The following MCC variants were observed in gnomAD, a reference collection of about 807,000 sequenced individuals.
MCC encodes the protein MCC regulator of Wnt signaling pathway, also known as colorectal mutant cancer protein.
Under a neutral mutation model 116.2 loss-of-function variants are expected in MCC, and 90 were observed. The observed-to-expected ratio is 0.77, with a 90% CI of 0.65 to 0.92. The LOEUF is 0.92. Among genes scored for constraint, MCC ranks in the 40% least tolerant of loss-of-function variants. MCC has a pLI of 0.00. For missense variants in MCC, 1,516 were observed against 1,312.2 expected, an observed-to-expected ratio of 1.16 and a Z score of -2.40; for synonymous variants, 578 against 510.5, an observed-to-expected ratio of 1.13 and a Z score of -1.78.
At chr5:113,116,508 T>C (rs2150265757) in intron 6 of MCC, among the ~76,000 whole-genome samples, 1 of 152,326 alleles carries the variant, frequency 6.6e-6, no homozygotes, top group Non-Finnish European at 1.5e-5. Flanking sequence ...AAATAAAGAC[T>C]GTTTATGCTA....
At chr5:113,261,605 G>GA (rs961187483) in intron 3 of MCC, among the ~76,000 whole-genome samples, 7 of 152,144 alleles carry the variant, frequency 4.6e-5, no homozygotes, top group African/African-American at 1.4e-4. Flanking sequence ...ACAGTTATGG[G>GA]AAAAACTGAC....
intron 2 of MCC, among the ~76,000 whole-genome samples, chr5:113,345,493 T>C (rs1581415509): frequency 6.6e-6 from 1 of 152,338 alleles, no homozygotes; most frequent in East Asian, 1.9e-4. Flanking sequence ...TCCGACTCAG[T>C]GTAGTCCTAG....
At chr5:113,161,340 G>A (rs1027477690) in intron 3 of MCC, among the ~76,000 whole-genome samples, 1 of 152,152 alleles carries the variant, frequency 6.6e-6, no homozygotes, top group Non-Finnish European at 1.5e-5. Flanking sequence ...TCCCCAGGCG[G>A]AAACTCCCAC....
At chr5:113,172,439 C>T (rs1460536149) in intron 3 of MCC, among the ~76,000 whole-genome samples, 1 of 151,842 alleles carries the variant, frequency 6.6e-6, no homozygotes, top group Admixed American at 6.6e-5. Flanking sequence ...TTGCTATTTC[C>T]TATAGCTTTA....
At chr5:113,462,999 A>AGAT (rs1771787920) in intron 1 of MCC, among the ~76,000 whole-genome samples, 1 of 152,214 alleles carries the variant, frequency 6.6e-6, no homozygotes, top group Non-Finnish European at 1.5e-5. Flanking sequence ...AAAAGAAAGA[A>AGAT]GATAATAATA....
At chr5:113,224,688 A>G (rs990240617) in intron 3 of MCC, among the ~76,000 whole-genome samples, 2 of 152,192 alleles carry the variant, frequency 1.3e-5, no homozygotes, top group African/African-American at 4.8e-5. Context: ...AATAGAGGAA[A>G]AACCTCAACT....
chr5:113,054,069 G>C, intron 14 of MCC, 110 bp from the exon 15 acceptor site: 2 of 752,728 alleles, frequency 2.7e-6, no homozygotes, highest in Non-Finnish European at 2.2e-6. Flanking sequence ...GTGTTATTTA[G>C]ATGGTAATCC....
At chr5:113,275,840 C>T (rs773420161) in intron 3 of MCC, among the ~76,000 whole-genome samples, 8 of 151,976 alleles carry the variant, frequency 5.3e-5, no homozygotes, top group Non-Finnish European at 7.4e-5. Flanking sequence ...TTTGGTGTAG[C>T]GGGAGGTCCT....
intron 11 of MCC, among the ~76,000 whole-genome samples, chr5:113,074,983 C>G (rs111555562): frequency 6.6e-6 from 1 of 152,262 alleles, no homozygotes; most frequent in African/African-American, 2.4e-5. Flanking sequence ...CAGCCCACCA[C>G]TGCACTGTGG....
chr5:113,484,983 T>A (rs1014589068), intron 1 of MCC, among the ~76,000 whole-genome samples: 1 of 152,204 alleles, frequency 6.6e-6, no homozygotes, highest in Admixed American at 6.5e-5. Context: ...CAGCCGCAGT[T>A]TGGAGCTACT....
chr5:113,163,164 A>T (rs953771679), intron 3 of MCC, among the ~76,000 whole-genome samples: 3 of 152,168 alleles, frequency 2.0e-5, no homozygotes, highest in Admixed American at 2.0e-4. Context: ...ACAGTCAAGA[A>T]CCAAGCGGGA....
At chr5:113,368,310 G>C (rs774312563) in intron 2 of MCC, among the ~76,000 whole-genome samples, 1 of 152,156 alleles carries the variant, frequency 6.6e-6, no homozygotes, top group East Asian at 1.9e-4. Flanking sequence ...ATTGGTCAGA[G>C]TTTATCTTTT....
intron 3 of MCC, among the ~76,000 whole-genome samples, chr5:113,318,541 G>A (rs142318159): frequency 9.8e-5 from 15 of 152,304 alleles, no homozygotes; most frequent in African/African-American, 3.4e-4. Flanking sequence ...GGTCATGGTT[G>A]GAGCTGGAGG....
chr5:113,153,924 G>A (rs1290956306), intron 3 of MCC, among the ~76,000 whole-genome samples: 1 of 152,240 alleles, frequency 6.6e-6, no homozygotes, highest in Non-Finnish European at 1.5e-5. Flanking sequence ...GAGCACCAGG[G>A]CCAAGGCCAC....
At chr5:113,100,291 C>T (rs1274278226) in intron 8 of MCC, among the ~76,000 whole-genome samples, 2 of 151,902 alleles carry the variant, frequency 1.3e-5, no homozygotes, top group East Asian at 1.9e-4. Context: ...TAATTTCTTC[C>T]GTTTTATATA....
chr5:113,232,783 TCAC>T (rs1252633055), intron 3 of MCC, among the ~76,000 whole-genome samples: 1 of 152,146 alleles, frequency 6.6e-6, no homozygotes, highest in African/African-American at 2.4e-5. Flanking sequence ...CCCAGACTCT[TCAC>T]CATGTGCAGA....
chr5:113,297,005 A>G (rs1207853415), intron 3 of MCC, among the ~76,000 whole-genome samples: 1 of 152,212 alleles, frequency 6.6e-6, no homozygotes, highest in East Asian at 1.9e-4. Context: ...TACTTTATAG[A>G]CAATATAAGG....
At chr5:113,120,732 C>T (rs559497504) in intron 6 of MCC, among the ~76,000 whole-genome samples, 1 of 152,304 alleles carries the variant, frequency 6.6e-6, no homozygotes, top group South Asian at 2.1e-4. Flanking sequence ...TTTAAAATGT[C>T]AACGTGATAG....
At chr5:113,360,916 A>G (rs1367789720) in intron 2 of MCC, among the ~76,000 whole-genome samples, 1 of 152,190 alleles carries the variant, frequency 6.6e-6, no homozygotes, top group Non-Finnish European at 1.5e-5. Flanking sequence ...TACTCCTGCT[A>G]TGTATGTATC....
Sources: allele counts gnomAD v4.1 joint callset (sites outside exome capture counted in the v4.1 genomes callset), GRCh38; gene constraint gnomAD v4.1.1; transcripts MANE v1.5; gene names NCBI Gene and HGNC (gene_info 2026-07-23, HGNC 2026-07-21).